The following SENP7 variants were observed in gnomAD, a reference collection of about 807,000 sequenced individuals.
SENP7 encodes SUMO specific peptidase 7, also known as sentrin-specific protease 7.
SENP7 carries 64 observed loss-of-function variants against 141.2 expected under a neutral mutation model. That is an observed-to-expected ratio of 0.45 (90% CI 0.37 to 0.56). The LOEUF (loss-of-function observed/expected upper bound fraction) is 0.56, where lower values mean the gene tolerates loss of function less well. Among genes scored for constraint, SENP7 ranks in the 20% least tolerant of loss-of-function variants. SENP7 has a pLI of 0.00. For synonymous variants in SENP7, 382 were observed against 426.4 expected, an observed-to-expected ratio of 0.90 and a Z score of 1.28; for missense variants, 1,025 against 1,212.2, an observed-to-expected ratio of 0.85 and a Z score of 2.29.
At chr3:101,444,855 C>T (rs1177778746) in intron 4 of SENP7, among the ~76,000 whole-genome samples, 1 of 151,750 alleles carries the variant, frequency 6.6e-6, no homozygotes, top group Non-Finnish European at 1.5e-5. Context: ...AACTAACCTG[C>T]ACATTGTGCA....
At chr3:101,482,367 A>G (rs2108041577) in intron 3 of SENP7, among the ~76,000 whole-genome samples, 1 of 152,288 alleles carries the variant, frequency 6.6e-6, no homozygotes. Context: ...CAAAATATGT[A>G]CAAGATCTGT....
chr3:101,451,231 A>T (rs1437874716), intron 4 of SENP7, among the ~76,000 whole-genome samples: 4 of 152,164 alleles, frequency 2.6e-5, no homozygotes, highest in Non-Finnish European at 5.9e-5. Flanking sequence ...TTAGTAGCTT[A>T]CCAACCCAAA....
chr3:101,365,531 G>A (rs539672702), intron 9 of SENP7, among the ~76,000 whole-genome samples: 1 of 149,788 alleles, frequency 6.7e-6, no homozygotes, highest in South Asian at 2.1e-4. Context: ...AGCTACTTGG[G>A]AGGCTGATTA....
Position 101,364,858 on chromosome 3 carries a change from T to A in SENP7, c.1452A>T (p.Pro484=). Residue 484 remains proline, a synonymous_variant, in exon 10 of 24, where the codon CCA becomes CCT. Transcript: ENST00000394095. ...CCTGTACAGATTCACATGTAATCAA[T>A]GGTAGTTCTAACAATGCTGATTCAG... The part of the protein sequence containing the change: ...STSESALLEL[P]LITCESVQMS... The A allele has an allele frequency of 6.3e-7, 1 of 1,599,090 alleles. No homozygotes were observed.
chr3:101,404,393 T>G (rs1369252282), intron 5 of SENP7, among the ~76,000 whole-genome samples: 3 of 152,108 alleles, frequency 2.0e-5, no homozygotes, highest in Non-Finnish European at 1.5e-5. Flanking sequence ...TGAACCCGAT[T>G]TTTACACCAT....
chr3:101,342,042 G>A (rs1376547343), intron 14 of SENP7, among the ~76,000 whole-genome samples: 1 of 151,902 alleles, frequency 6.6e-6, no homozygotes, highest in Non-Finnish European at 1.5e-5. Flanking sequence ...CAATTTTGCA[G>A]TTCAAAATAA....
At chr3:101,451,723 A>T (rs765231803) in intron 4 of SENP7, among the ~76,000 whole-genome samples, 5 of 152,218 alleles carry the variant, frequency 3.3e-5, no homozygotes, top group Non-Finnish European at 5.9e-5. Flanking sequence ...CAAAATAATA[A>T]GAGCTATCTA....
chr3:101,354,140 T>G (rs569675943), intron 11 of SENP7, among the ~76,000 whole-genome samples: 2 of 152,216 alleles, frequency 1.3e-5, no homozygotes, highest in Non-Finnish European at 2.9e-5. Flanking sequence ...TTTTGTAGGA[T>G]TCTTCTCAGC....
At chr3:101,369,380 C>G (rs1274306236) in intron 7 of SENP7, among the ~76,000 whole-genome samples, 1 of 152,144 alleles carries the variant, frequency 6.6e-6, no homozygotes, top group East Asian at 1.9e-4. Flanking sequence ...TTTACTGTAG[C>G]TTCAACAATT....
intron 3 of SENP7, among the ~76,000 whole-genome samples, chr3:101,469,184 C>T (rs1439988093): frequency 6.6e-6 from 1 of 151,930 alleles, no homozygotes; most frequent in Non-Finnish European, 1.5e-5. Context: ...ATATACACAC[C>T]CAATAAAGGA....
At chr3:101,470,277 C>A (rs1438026299) in intron 3 of SENP7, among the ~76,000 whole-genome samples, 2 of 152,146 alleles carry the variant, frequency 1.3e-5, no homozygotes, top group Non-Finnish European at 2.9e-5. Flanking sequence ...CAAACCGAAT[C>A]CAGCAGCACA....
At chr3:101,428,268 CCA>C (rs1480504654) in intron 4 of SENP7, among the ~76,000 whole-genome samples, 1 of 152,224 alleles carries the variant, frequency 6.6e-6, no homozygotes, top group Non-Finnish European at 1.5e-5. Context: ...TGAGGAGTCA[CCA>C]CACAGTCTTC....
At chr3:101,376,512 T>C (rs1228516456) in intron 6 of SENP7, among the ~76,000 whole-genome samples, 1 of 151,592 alleles carries the variant, frequency 6.6e-6, no homozygotes, top group Non-Finnish European at 1.5e-5. Flanking sequence ...CAGACTAGTA[T>C]ATAAGAAATG....
intron 6 of SENP7, among the ~76,000 whole-genome samples, chr3:101,390,316 G>C (rs1011505286): frequency 7.1e-6 from 1 of 140,110 alleles, no homozygotes; most frequent in African/African-American, 2.7e-5. Context: ...CCCTACTCAC[G>C]TCACCAATAA....
At chr3:101,470,278 C>T (rs891478391) in intron 3 of SENP7, among the ~76,000 whole-genome samples, 1 of 152,134 alleles carries the variant, frequency 6.6e-6, no homozygotes, top group African/African-American at 2.4e-5. Context: ...AAACCGAATC[C>T]AGCAGCACAT....
chr3:101,414,996 G>A (rs547724245), intron 5 of SENP7, among the ~76,000 whole-genome samples: 98 of 152,314 alleles, frequency 6.4e-4, no homozygotes, highest in South Asian at 1.2e-3. Flanking sequence ...AGAGTTGGTG[G>A]AGTTTGAAGA....
chr3:101,439,724 A>G (rs866753113), intron 4 of SENP7, among the ~76,000 whole-genome samples: 17 of 12,572 alleles, frequency 1.4e-3, no homozygotes, highest in Admixed American at 3.0e-3. Context: ...GGAGGGAGGT[A>G]GGGGGGTCAG....
In SENP7 at chr3:101,474,664, C is replaced by G. The variant is rs182202139; in HGVS notation, c.187-15612G>C. On this transcript the variant is annotated intron_variant, in intron 3 of 23. Transcript: ENST00000394095. ...ACTTCTTCTCTTCCTATTTAGGTCC[C>G]TTTATTTCTTTCTCTTACCTGACTG... Among the ~76,000 whole-genome samples, 266 of 152,076 alleles carry G rather than the reference C, an allele frequency of 1.7e-3. 4 individuals carry two copies. In the East Asian group the frequency reaches 0.04, roughly 23 times the overall value.
At chr3:101,425,897 A>G (rs562548469) in intron 4 of SENP7, among the ~76,000 whole-genome samples, 176 of 152,334 alleles carry the variant, frequency 1.2e-3, no homozygotes, top group Non-Finnish European at 1.1e-3. Flanking sequence ...GACCAAGTGG[A>G]GCAAAGAATC....
Sources: gnomAD v4.1 joint callset for allele counts (sites outside exome capture counted in the v4.1 genomes callset) on GRCh38, gnomAD v4.1.1 for gene constraint, MANE v1.5 for transcripts, NCBI Gene and HGNC (gene_info 2026-07-23, HGNC 2026-07-21) for gene names.